The following SPINK8 variants were observed in gnomAD, a reference collection of about 807,000 sequenced individuals.
SPINK8 encodes serine protease inhibitor Kazal-type 8.
A neutral mutation model predicts 14.4 loss-of-function variants in SPINK8; 12 were observed. The observed-to-expected ratio is 0.83, with a 90% CI of 0.53 to 1.35. The LOEUF is 1.35. Ranked by LOEUF, SPINK8 falls within the 40% of genes most tolerant of loss-of-function variation. SPINK8 has a pLI of 0.00. For synonymous variants in SPINK8, 32 were observed against 37.6 expected (o/e 0.85, Z 0.55); for missense variants, 103 against 117.0 (o/e 0.88, Z 0.55).
intron 6 of SPINK8, among the ~76,000 whole-genome samples, chr3:48,316,770 C>T (rs1439396131): frequency 6.6e-6 from 1 of 151,762 alleles, no homozygotes; most frequent in East Asian, 1.9e-4. Context: ...GAGACCTGGT[C>T]TCATAAATAA....
intron 6 of SPINK8, 81 bp from the exon 7 acceptor site, chr3:48,310,027 G>T (rs1053037227): frequency 4.7e-6 from 6 of 1,265,298 alleles, no homozygotes; most frequent in South Asian, 2.4e-5. Context: ...GATAATCTTT[G>T]GCTAAGTTTG....
At chr3:48,314,110 T>G (rs1445814854) in intron 6 of SPINK8, among the ~76,000 whole-genome samples, 1 of 152,206 alleles carries the variant, frequency 6.6e-6, no homozygotes, top group African/African-American at 2.4e-5. Flanking sequence ...TTTTATGTCA[T>G]ATGAATTTTA....
At chr3:48,307,153 T>G (rs191610122) in intron 7 of SPINK8, 150 bp from the exon 8 acceptor site, 1 of 793,234 alleles carries the variant, frequency 1.3e-6, no homozygotes, top group East Asian at 2.8e-5. Context: ...CTAATTTCAC[T>G]GGAGAAGGAA....
intron 7 of SPINK8, among the ~76,000 whole-genome samples, 194 bp downstream of exon 7, chr3:48,309,710 T>C (rs1173084757): frequency 6.6e-6 from 1 of 152,150 alleles, no homozygotes; most frequent in East Asian, 1.9e-4. Context: ...AATAAAAGAA[T>C]AGAGGGAGGA....
Position 48,319,602 on chromosome 3 carries a change from T to C in SPINK8, c.134A>G (p.Asn45Ser). Residue 45 changes from asparagine (N) to serine (S), a missense_variant, in exon 6 of 8, where the codon AAT (asparagine) becomes AGT (serine). Physicochemically the swap from Asn to Ser is conservative, Grantham distance 46. Transcript: ENST00000434006. ...LDKTIVECLK[N>S]VNKCWFLSYI... ...GGATAAAAACCAGCACTTATTTACATTCTTGAGGCATTCAACCTGAAGGTG... is the reference window on the plus strand; with the variant it reads ...GGATAAAAACCAGCACTTATTTACACTCTTGAGGCATTCAACCTGAAGGTG... 1.2e-6 allele frequency: 2 copies of C among 1,613,906 alleles called. No homozygotes were observed. Among genetic ancestry groups the C allele is most frequent in the Non-Finnish European group, 1.7e-6 (2 of 1,179,848 alleles).
intron 5 of SPINK8, among the ~76,000 whole-genome samples, chr3:48,319,865 C>T (rs777538153): frequency 1.2e-4 from 19 of 152,108 alleles, no homozygotes; most frequent in Non-Finnish European, 2.2e-4. Flanking sequence ...AAATACCGGC[C>T]GGGCGCGGTG....
intron 6 of SPINK8, among the ~76,000 whole-genome samples, chr3:48,312,031 G>A (rs543129876): frequency 6.6e-6 from 1 of 152,150 alleles, no homozygotes; most frequent in South Asian, 2.1e-4. Context: ...CTACTTGGGA[G>A]GCTGAGGCAG....
chr3:48,323,869 A>G (rs763573710), intron 4 of SPINK8, among the ~76,000 whole-genome samples: 3 of 151,586 alleles, frequency 2.0e-5, no homozygotes, highest in Non-Finnish European at 4.4e-5. Flanking sequence ...GCTAGTACCA[A>G]ACTGTCTTGA....
At chr3:48,312,826 G>T (rs537891668) in intron 6 of SPINK8, among the ~76,000 whole-genome samples, 25 of 151,704 alleles carry the variant, frequency 1.6e-4, no homozygotes, top group Non-Finnish European at 2.6e-4. Context: ...GTGAAACCCC[G>T]TCTCCACTAA....
At chr3:48,313,542 T>C (rs762047732) in intron 6 of SPINK8, among the ~76,000 whole-genome samples, 1 of 152,210 alleles carries the variant, frequency 6.6e-6, no homozygotes, top group Non-Finnish European at 1.5e-5. Flanking sequence ...TCAGCCCCTA[T>C]AGAAAAGTTT....
chr3:48,319,241 C>T (rs2036035431), intron 6 of SPINK8, among the ~76,000 whole-genome samples: 1 of 152,180 alleles, frequency 6.6e-6, no homozygotes, highest in Non-Finnish European at 1.5e-5. Flanking sequence ...CTGAGTGCCT[C>T]CACTTGAGGC....
rs372362633 is a variant in SPINK8 at position 48,315,513 on chromosome 3, G to T, written c.239+3984C>A. Among the ~76,000 whole-genome samples the T allele has an allele frequency of 2.4e-4, 36 of 152,120 alleles. No individual in the cohort carries two copies. In the East Asian group the frequency reaches 5.0e-3, roughly 21 times the overall value. On this transcript the variant is annotated intron_variant, in intron 6 of 7. Transcript: ENST00000434006. ...AGGCAGGTGGATCACTTGTGGTCAG[G>T]AGTTCAAGACCAGCCTGACCAACAT...
At chr3:48,320,985 C>A in intron 5 of SPINK8, 40 bp downstream of exon 5, 1 of 1,568,656 alleles carries the variant, frequency 6.4e-7, no homozygotes, top group East Asian at 2.3e-5. Flanking sequence ...CTGGCTCTCT[C>A]CCCATTCCTG....
intron 7 of SPINK8, among the ~76,000 whole-genome samples, chr3:48,308,635 A>G (rs2035881566): frequency 6.6e-6 from 1 of 152,142 alleles, no homozygotes; most frequent in Non-Finnish European, 1.5e-5. Flanking sequence ...TGATTTAGGG[A>G]AAATTCTATC....
In SPINK8 at chr3:48,328,010, A is replaced by C. The variant is rs368827176; in HGVS notation, c.67+265T>G. ...AAATATACAAACTCTAGAAATGTAC[A>C]TTTCTGAGGTTTAAATATCTTAGGT... On this transcript the variant is annotated intron_variant, in intron 4 of 7. Transcript: ENST00000434006. Among the ~76,000 whole-genome samples the C allele has an allele frequency of 2.0e-5, 3 of 152,296 alleles. No homozygotes were observed. In the South Asian group the frequency reaches 6.2e-4, roughly 32 times the overall value.
chr3:48,319,659 C>T, intron 5 of SPINK8, 41 bp from the exon 6 acceptor site: 1 of 1,612,492 alleles, frequency 6.2e-7, no homozygotes. Context: ...ACACTTTCAT[C>T]CAGGTCCTTT....
intron 4 of SPINK8, among the ~76,000 whole-genome samples, chr3:48,325,728 G>A (rs2036131041): frequency 6.6e-6 from 1 of 151,866 alleles, no homozygotes. Context: ...GAGATGGGAG[G>A]CTGGGATTAC....
intron 4 of SPINK8, among the ~76,000 whole-genome samples, chr3:48,322,238 C>T (rs902169378): frequency 1.3e-5 from 2 of 152,016 alleles, no homozygotes; most frequent in African/African-American, 4.8e-5. Context: ...AAAAAGAAAC[C>T]CTGTAACCAT....
intron 5 of SPINK8, among the ~76,000 whole-genome samples, chr3:48,320,543 G>T (rs144816949): frequency 6.6e-6 from 1 of 150,744 alleles, no homozygotes; most frequent in Non-Finnish European, 1.5e-5. Flanking sequence ...GCAAGACTCC[G>T]TCTCAAAAAA....
Sources: allele counts gnomAD v4.1 joint callset (sites outside exome capture counted in the v4.1 genomes callset), GRCh38; gene constraint gnomAD v4.1.1; transcripts MANE v1.5; gene names NCBI Gene and HGNC (gene_info 2026-07-23, HGNC 2026-07-21).